The following NALF1 variants were observed in gnomAD, a reference collection of about 807,000 sequenced individuals.
NALF1 encodes the protein NALCN channel auxiliary factor 1, also known as family with sequence similarity 155 member A.
A neutral mutation model predicts 48.4 loss-of-function variants in NALF1; 3 were observed. That is an observed-to-expected ratio of 0.06 (90% CI 0.03 to 0.16). The LOEUF is 0.16. Ranked by LOEUF, NALF1 falls within the 10% of genes least tolerant of loss-of-function variation. NALF1 has a pLI of 1.00. For missense variants in NALF1, 526 were observed against 571.5 expected, an observed-to-expected ratio of 0.92 and a Z score of 0.81; for synonymous variants, 262 against 245.7, an observed-to-expected ratio of 1.07 and a Z score of -0.62.
intron 1 of NALF1, among the ~76,000 whole-genome samples, chr13:107,814,197 G>A (rs1398391657): frequency 6.6e-6 from 1 of 152,076 alleles, no homozygotes; most frequent in African/African-American, 2.4e-5. Flanking sequence ...TAGAAGACAG[G>A]ACTTTCTGAT....
chr13:107,673,999 A>G (rs1273917484), intron 1 of NALF1, among the ~76,000 whole-genome samples: 1 of 152,100 alleles, frequency 6.6e-6, no homozygotes, highest in Non-Finnish European at 1.5e-5. Context: ...GTGTTCTCCA[A>G]AACACATTTA....
chr13:107,615,805 A>G lies in NALF1; in HGVS notation c.915+249877T>C, dbSNP rs567132034. ...CCTCCTAAGAGTGATAAATATTATCACTTATATCTTCATCGAGCAGCAATA... is the reference window on the plus strand; with the variant it reads ...CCTCCTAAGAGTGATAAATATTATCGCTTATATCTTCATCGAGCAGCAATA... On this transcript the variant is annotated intron_variant, in intron 1 of 2. Transcript: ENST00000375915. 3.3e-5 allele frequency among the ~76,000 whole-genome samples: 5 copies of G among 152,316 alleles called. No homozygotes were observed. The East Asian group carries it at 9.6e-4, about 29-fold the overall frequency.
chr13:107,828,670 G>A (rs1879607684), intron 1 of NALF1, among the ~76,000 whole-genome samples: 1 of 147,532 alleles, frequency 6.8e-6, no homozygotes, highest in Non-Finnish European at 1.5e-5. Flanking sequence ...CAACAAACAT[G>A]ATTTTTATTT....
chr13:107,419,697 T>G (rs1884153874), intron 1 of NALF1, among the ~76,000 whole-genome samples: 1 of 152,186 alleles, frequency 6.6e-6, no homozygotes, highest in Non-Finnish European at 1.5e-5. Context: ...TCTTTCAAAA[T>G]CTTTAATAAG....
chr13:107,563,852 G>A (rs16970678), intron 1 of NALF1, among the ~76,000 whole-genome samples: 27,421 of 152,078 alleles, frequency 0.18, 2,662 homozygotes, highest in South Asian at 0.29. Context: ...TGATCCATCC[G>A]GGGCCAAATA....
At chr13:107,762,566 G>A (rs1485398998) in intron 1 of NALF1, among the ~76,000 whole-genome samples, 1 of 152,110 alleles carries the variant, frequency 6.6e-6, no homozygotes, top group East Asian at 1.9e-4. Flanking sequence ...TGTGTATGGA[G>A]GTAAGGCGGA....
chr13:107,268,449 G>A (rs934574648), intron 1 of NALF1, among the ~76,000 whole-genome samples: 12 of 152,062 alleles, frequency 7.9e-5, no homozygotes, highest in African/African-American at 2.9e-4. Flanking sequence ...TACTCGAGGA[G>A]TACAAACAAA....
chr13:107,404,805 T>C (rs1185984772), intron 1 of NALF1, among the ~76,000 whole-genome samples: 1 of 152,110 alleles, frequency 6.6e-6, no homozygotes, highest in Non-Finnish European at 1.5e-5. Context: ...TCCAGTTACA[T>C]GGCTAGTAAA....
At chr13:107,408,000 A>T (rs1189764310) in intron 1 of NALF1, among the ~76,000 whole-genome samples, 3 of 152,108 alleles carry the variant, frequency 2.0e-5, no homozygotes, top group Non-Finnish European at 4.4e-5. Context: ...TAAGCCAGAC[A>T]CTAAAAGACA....
chr13:107,758,299 T>A (rs1262822569), intron 1 of NALF1, among the ~76,000 whole-genome samples: 1 of 152,236 alleles, frequency 6.6e-6, no homozygotes, highest in African/African-American at 2.4e-5. Flanking sequence ...TAAATGTTTA[T>A]CCATGTATGT....
At chr13:107,715,144 C>T (rs1419517384) in intron 1 of NALF1, among the ~76,000 whole-genome samples, 1 of 151,916 alleles carries the variant, frequency 6.6e-6, no homozygotes, top group Non-Finnish European at 1.5e-5. Flanking sequence ...TTGAAACATT[C>T]CAATTCTACT....
chr13:107,252,939 A>ATAATG (rs1264004342), intron 1 of NALF1, among the ~76,000 whole-genome samples: 2 of 152,344 alleles, frequency 1.3e-5, no homozygotes, highest in East Asian at 3.9e-4. Context: ...GAAGAATATT[A>ATAATG]TAATGTACAA....
intron 1 of NALF1, among the ~76,000 whole-genome samples, chr13:107,581,222 T>C (rs1052690399): frequency 6.6e-6 from 1 of 152,196 alleles, no homozygotes; most frequent in African/African-American, 2.4e-5. Context: ...TGCTGTGTCA[T>C]TGTCTCTTCT....
intron 1 of NALF1, among the ~76,000 whole-genome samples, chr13:107,739,093 A>T (rs2138542496): frequency 6.6e-6 from 1 of 152,264 alleles, no homozygotes; most frequent in Admixed American, 6.5e-5. Flanking sequence ...TCCACTCATA[A>T]GTGGGAGTTG....
At chr13:107,548,155 T>C (rs1044111403) in intron 1 of NALF1, among the ~76,000 whole-genome samples, 1 of 151,998 alleles carries the variant, frequency 6.6e-6, no homozygotes, top group African/African-American at 2.4e-5. Context: ...GCCCCCAGGG[T>C]CTGTTGTTCC....
chr13:107,384,599 A>G (rs924308510), intron 1 of NALF1, among the ~76,000 whole-genome samples: 4 of 152,178 alleles, frequency 2.6e-5, no homozygotes, highest in Non-Finnish European at 4.4e-5. Flanking sequence ...ATAAATTATT[A>G]TTTAATTAAA....
chr13:107,193,195 G>T (rs1879318448), intron 2 of NALF1, among the ~76,000 whole-genome samples: 1 of 151,968 alleles, frequency 6.6e-6, no homozygotes, highest in Admixed American at 6.6e-5. Flanking sequence ...ATTTTTAAAT[G>T]ATTAAGCATA....
intron 1 of NALF1, among the ~76,000 whole-genome samples, chr13:107,524,302 A>C (rs2139099722): frequency 6.6e-6 from 1 of 152,326 alleles, no homozygotes; most frequent in Non-Finnish European, 1.5e-5. Flanking sequence ...TTGATTGAAA[A>C]TGATTGTCTG....
chr13:107,626,382 C>G (rs1879674888), intron 1 of NALF1, among the ~76,000 whole-genome samples: 1 of 151,896 alleles, frequency 6.6e-6, no homozygotes, highest in African/African-American at 2.4e-5. Context: ...AGCAATAGAA[C>G]TACCATATGA....
Sources: allele counts gnomAD v4.1 joint callset (sites outside exome capture counted in the v4.1 genomes callset), GRCh38; gene constraint gnomAD v4.1.1; transcripts MANE v1.5; gene names NCBI Gene and HGNC (gene_info 2026-07-23, HGNC 2026-07-21).